DPYSL3: variants seen among roughly 807,000 people sequenced by gnomAD.
DPYSL3 encodes dihydropyrimidinase like 3, also known as dihydropyrimidinase-related protein 3.
Under a neutral mutation model 66.1 loss-of-function variants are expected in DPYSL3, and 16 were observed. The ratio of observed to expected loss-of-function variants is 0.24; its 90% CI spans 0.16 to 0.37. The LOEUF is 0.37. Among genes scored for constraint, DPYSL3 ranks in the 10% least tolerant of loss-of-function variants. The probability of loss-of-function intolerance (pLI) is 1.00; values close to 1 mark genes in which losing one functional copy is unlikely to be tolerated. For missense variants in DPYSL3, 738 were observed against 916.2 expected, an observed-to-expected ratio of 0.81 and a Z score of 2.51; for synonymous variants, 338 against 345.1, an observed-to-expected ratio of 0.98 and a Z score of 0.23.
At chr5:147,465,220 A>T (rs1027842009) in intron 1 of DPYSL3, among the ~76,000 whole-genome samples, 4 of 152,174 alleles carry the variant, frequency 2.6e-5, no homozygotes. Flanking sequence ...AAATAAACAA[A>T]AAACAAAACA....
intron 1 of DPYSL3, among the ~76,000 whole-genome samples, chr5:147,445,599 G>A (rs1752615974): frequency 6.6e-6 from 1 of 152,168 alleles, no homozygotes; most frequent in Non-Finnish European, 1.5e-5. Context: ...CTCATGGCAT[G>A]TACATGGCAT....
At position 147,510,018 on chromosome 5, in the gene DPYSL3, C is replaced by A. The variant is rs1474586526; in HGVS notation, c.-160G>T. 5 of 1,202,714 alleles carry A rather than the reference C, an allele frequency of 4.2e-6. No homozygotes were observed. Among genetic ancestry groups the A allele is most frequent in the Admixed American group, 3.1e-5 (1 of 32,204 alleles). The allele number at this position is 1,202,714 out of a possible 1,614,324, so 74.5% of individuals were successfully genotyped here. ...TGCTCCGATTCCTGCTTGTCCCTAG[C>A]GAGCCAGCGAGCCACACAGCCAGCT... is the stretch of plus-strand genomic sequence containing the variant. On this transcript the variant is annotated 5_prime_UTR_variant, in exon 1 of 14. Transcript: ENST00000343218.
chr5:147,500,512 G>T (rs919006519), intron 1 of DPYSL3, among the ~76,000 whole-genome samples: 3 of 151,682 alleles, frequency 2.0e-5, no homozygotes, highest in Non-Finnish European at 4.4e-5. Context: ...TACCCGGGAG[G>T]CTGAGGCAGG....
At chr5:147,425,175 G>T (rs890480645) in intron 1 of DPYSL3, among the ~76,000 whole-genome samples, 15 of 152,134 alleles carry the variant, frequency 9.9e-5, no homozygotes, top group African/African-American at 3.1e-4. Flanking sequence ...TTATTCTAGG[G>T]TTTCACCTCT....
intron 8 of DPYSL3, among the ~76,000 whole-genome samples, chr5:147,404,521 G>A (rs530518601): frequency 1.4e-4 from 21 of 152,294 alleles, no homozygotes; most frequent in African/African-American, 3.8e-4. Flanking sequence ...CCACTGGCAC[G>A]CAGCAGTAGC....
chr5:147,482,997 G>T (rs972948081), intron 1 of DPYSL3, among the ~76,000 whole-genome samples: 1 of 152,138 alleles, frequency 6.6e-6, no homozygotes, highest in Admixed American at 6.5e-5. Flanking sequence ...CAGCATGGGG[G>T]AACTGCTCCC....
At chr5:147,435,086 AG>A (rs1256478553) in intron 1 of DPYSL3, among the ~76,000 whole-genome samples, 1 of 152,240 alleles carries the variant, frequency 6.6e-6, no homozygotes, top group Non-Finnish European at 1.5e-5. Flanking sequence ...TAAAAAACAA[AG>A]TCTATTAATT....
chr5:147,395,369 T>C (rs1452571988), intron 13 of DPYSL3, among the ~76,000 whole-genome samples, 190 bp downstream of exon 13: 1 of 152,172 alleles, frequency 6.6e-6, no homozygotes, highest in Non-Finnish European at 1.5e-5. Context: ...TTGTCTTACT[T>C]TCTTACCAGG....
chr5:147,437,991 T>C (rs546625646), intron 1 of DPYSL3, among the ~76,000 whole-genome samples: 1 of 152,290 alleles, frequency 6.6e-6, no homozygotes, highest in East Asian at 1.9e-4. Flanking sequence ...TTCATTTCTT[T>C]TTAGGTTGGT....
intron 1 of DPYSL3, among the ~76,000 whole-genome samples, chr5:147,477,927 T>C (rs1753184162): frequency 1.3e-5 from 2 of 152,144 alleles, no homozygotes; most frequent in Admixed American, 6.5e-5. Flanking sequence ...AAAGAAAAGA[T>C]GTTAAAGGCA....
rs1415578955 is a variant in DPYSL3 at position 147,480,815 on chromosome 5, C to T, written c.381+28663G>A. ...TCAGCTCACTGCAACCTCCACCTCCCGGGTTTAAGCGATTCTTCTGCCTTA... is the reference window on the plus strand; with the variant it reads ...TCAGCTCACTGCAACCTCCACCTCCTGGGTTTAAGCGATTCTTCTGCCTTA... On this transcript the variant is annotated intron_variant, in intron 1 of 13. Transcript: ENST00000343218. Among the ~76,000 whole-genome samples the T allele has an allele frequency of 5.3e-5, 8 of 151,354 alleles. No homozygotes were observed. In the South Asian group the frequency reaches 6.3e-4, roughly 12 times the overall value.
rs1473599203 is a variant in DPYSL3 at position 147,403,116 on chromosome 5, T to C, written c.1154-1420A>G. Among the ~76,000 whole-genome samples, 3 of 152,016 alleles carry C rather than the reference T, an allele frequency of 2.0e-5. No individual in the cohort carries two copies. In the East Asian group the frequency reaches 5.8e-4, roughly 29 times the overall value. ...GGAAAAATTCTAATAATGCGCGGGG[T>C]CTCAGTAGAAAAGACTCATGATTAA... On this transcript the variant is annotated intron_variant, in intron 8 of 13. Coordinates refer to ENST00000343218, the MANE Select transcript of DPYSL3 (RefSeq NM_001197294.2).
At chr5:147,415,940 G>A in intron 3 of DPYSL3, 67 bp from the exon 4 acceptor site, 2 of 1,526,520 alleles carry the variant, frequency 1.3e-6, no homozygotes, top group Admixed American at 1.9e-5. Flanking sequence ...GCCCAGGCCT[G>A]CTCCTGCTTG....
intron 1 of DPYSL3, among the ~76,000 whole-genome samples, chr5:147,479,370 G>A (rs73794770): frequency 0.013 from 1,986 of 152,280 alleles, 47 homozygotes; most frequent in African/African-American, 0.045. Flanking sequence ...GCCTTTGGCT[G>A]TATATTCTAA....
At chr5:147,437,358 G>T (rs991839921) in intron 1 of DPYSL3, among the ~76,000 whole-genome samples, 2 of 152,226 alleles carry the variant, frequency 1.3e-5, no homozygotes. Flanking sequence ...TGGAATGTGT[G>T]AGAAGCACCT....
At chr5:147,405,029 T>C (rs78343784) in intron 8 of DPYSL3, among the ~76,000 whole-genome samples, 1 of 152,266 alleles carries the variant, frequency 6.6e-6, no homozygotes, top group East Asian at 1.9e-4. Flanking sequence ...GTATTTTACT[T>C]TCCCATCATG....
intron 1 of DPYSL3, among the ~76,000 whole-genome samples, chr5:147,481,313 C>A (rs972045068): frequency 2.0e-5 from 3 of 152,180 alleles, no homozygotes; most frequent in Admixed American, 1.3e-4. Flanking sequence ...TGATAGAATA[C>A]ACTACAATGT....
chr5:147,403,080 A>G (rs974515512), intron 8 of DPYSL3, among the ~76,000 whole-genome samples: 3 of 152,210 alleles, frequency 2.0e-5, no homozygotes. Context: ...GTTGCCTAGA[A>G]TTCCATGAAG....
At chr5:147,418,372 G>A in intron 3 of DPYSL3, 75 bp downstream of exon 3, 1 of 1,405,230 alleles carries the variant, frequency 7.1e-7, no homozygotes, top group Non-Finnish European at 9.6e-7. Flanking sequence ...GTTATAGTAA[G>A]AGAGTTCTGG....
Sources: allele counts gnomAD v4.1 joint callset (sites outside exome capture counted in the v4.1 genomes callset), GRCh38; gene constraint gnomAD v4.1.1; transcripts MANE v1.5; gene names NCBI Gene and HGNC (gene_info 2026-07-23, HGNC 2026-07-21).